GSE1: variants seen among roughly 807,000 people sequenced by gnomAD.
The protein encoded by GSE1 is genetic suppressor element 1.
In GSE1, 32 loss-of-function variants were observed where a neutral mutation model predicts 112.6. That is an observed-to-expected ratio of 0.28 (90% CI 0.21 to 0.38). The LOEUF is 0.38. Among genes scored for constraint, GSE1 ranks in the 10% least tolerant of loss-of-function variants. The pLI is 1.00. For missense variants in GSE1, 2,348 were observed against 1,699.2 expected (o/e 1.38, Z -6.71); for synonymous variants, 1,115 against 735.6 (o/e 1.52, Z -8.35).
chr16:85,632,267 G>A (rs1193740378), intron 1 of GSE1, among the ~76,000 whole-genome samples: 1 of 152,170 alleles, frequency 6.6e-6, no homozygotes, highest in Non-Finnish European at 1.5e-5. Context: ...GGGCTCTCAG[G>A]GGTCCTTTGT....
At chr16:85,287,868 C>T (rs1281162163) in intron 1 of GSE1, among the ~76,000 whole-genome samples, 1 of 152,180 alleles carries the variant, frequency 6.6e-6, no homozygotes, top group Non-Finnish European at 1.5e-5. Context: ...ACAGCGGCAT[C>T]CCTAGGACTC....
At chr16:85,227,881 C>G (rs1417717765) in intron 1 of GSE1, among the ~76,000 whole-genome samples, 1 of 152,216 alleles carries the variant, frequency 6.6e-6, no homozygotes, top group Non-Finnish European at 1.5e-5. Context: ...AGGGAGGGCC[C>G]TACCTTCACG....
At chr16:85,495,467 T>G (rs952420367) in intron 2 of GSE1, among the ~76,000 whole-genome samples, 2 of 145,822 alleles carry the variant, frequency 1.4e-5, no homozygotes, top group Non-Finnish European at 3.0e-5. Context: ...ATTTATTTAT[T>G]TATTTATTTG....
Position 85,373,533 on chromosome 16 carries a change from T to A in GSE1, c.2464+15890T>A, listed in dbSNP as rs1395362646. 8.6e-5 allele frequency among the ~76,000 whole-genome samples: 13 copies of A among 151,842 alleles called. No homozygotes were observed. The highest frequency in any genetic ancestry group is 8.5e-4 in the Admixed American group (13 of 15,274). ...TGTGGCAGCTGCCTCCCGGGGCCCC[T>A]GGGAGAATGGGCTGGGGCACTGTGT... On this transcript the variant is annotated intron_variant, in intron 2 of 2. Coordinates refer to the GSE1 transcript ENST00000637419. This position sits in a 1 kb window ranked among gnomAD's most constrained non-coding sequence, Gnocchi z 5.1.
rs1447410721 is a variant in GSE1 at position 85,400,259 on chromosome 16, G to C, written c.2464+42616G>C. Among the ~76,000 whole-genome samples the C allele has an allele frequency of 7.0e-3, 1,053 of 149,698 alleles. 6 individuals carry two copies. Among genetic ancestry groups the C allele is most frequent in the Non-Finnish European group, 9.4e-3 (633 of 67,460 alleles). On this transcript the variant is annotated intron_variant, in intron 2 of 2. Coordinates refer to the GSE1 transcript ENST00000637419. ...ACAGGAAGTGTAGGGTTGTGTGTGT[G>C]TGTGTGTGTGTGTGTGTGTGTGTAA...
intron 1 of GSE1, among the ~76,000 whole-genome samples, chr16:85,335,155 C>T (rs967699337): frequency 2.0e-5 from 3 of 152,246 alleles, no homozygotes; most frequent in African/African-American, 7.2e-5. Flanking sequence ...GATTTATTCA[C>T]AGCCCAGCCA....
intron 1 of GSE1, among the ~76,000 whole-genome samples, chr16:85,225,362 G>A (rs146096023): frequency 0.02 from 2,989 of 152,314 alleles, 49 homozygotes; most frequent in Non-Finnish European, 0.026. Context: ...AGAGCAGTCA[G>A]TGCAGAGGGC....
At chr16:85,600,328 G>A (rs1383770835) in intron 1 of GSE1, among the ~76,000 whole-genome samples, 1 of 152,192 alleles carries the variant, frequency 6.6e-6, no homozygotes, top group Non-Finnish European at 1.5e-5. Context: ...CAGGCAGGAG[G>A]GGGCTGGGCC....
intron 1 of GSE1, among the ~76,000 whole-genome samples, chr16:85,345,983 TG>T (rs2046725779): frequency 6.6e-6 from 1 of 151,262 alleles, no homozygotes; most frequent in South Asian, 2.1e-4. Context: ...GACAGATGGA[TG>T]GGTGGATGGA....
Position 85,360,551 on chromosome 16 carries a change from C to T in GSE1, c.2464+2908C>T, listed in dbSNP as rs1353701560. ...CGTGACAGTGACTAATGGTTTATTA[C>T]ACACCTGCCACCTCTCATCCGGCAG... On this transcript the variant is annotated intron_variant, in intron 2 of 2. Transcript: ENST00000637419. Among the ~76,000 whole-genome samples, 8 of 152,302 alleles carry T rather than the reference C, an allele frequency of 5.3e-5. No homozygotes were observed. The South Asian group carries it at 1.2e-3, about 24-fold the overall frequency.
At chr16:85,489,497 C>T (rs1312760346) in intron 2 of GSE1, among the ~76,000 whole-genome samples, 1 of 152,164 alleles carries the variant, frequency 6.6e-6, no homozygotes, top group Non-Finnish European at 1.5e-5. Flanking sequence ...TTCCAAGGAG[C>T]AGGGACTGTG....
chr16:85,346,921 C>T (rs931136547), intron 1 of GSE1, among the ~76,000 whole-genome samples: 3 of 150,568 alleles, frequency 2.0e-5, no homozygotes, highest in African/African-American at 7.4e-5. Flanking sequence ...GGATGGTGAA[C>T]AGGTGGGTGG....
Position 85,668,210 on chromosome 16 carries a change from G to C in GSE1, c.3201G>C (p.Glu1067Asp), listed in dbSNP as rs1025092812. 6.2e-7 allele frequency: 1 copy of C among 1,611,116 alleles called. No individual in the cohort carries two copies. Residue 1067 changes from glutamate (E) to aspartate (D), a missense_variant, in exon 14 of 16, where the codon GAG (glutamate) becomes GAC (aspartate). Glu to Asp is a conservative substitution (Grantham distance 45). Coordinates refer to ENST00000253458, the MANE Select transcript of GSE1 (RefSeq NM_014615.5). ...VDTSVHYNIP[E>D]LQSSSRAPPP... Reference sequence around the variant, plus strand: ...CGTCCGTCCACTACAACATTCCTGAGCTGCAGTCCTCCAGCCGCGCCCCTC... The same window carrying C: ...CGTCCGTCCACTACAACATTCCTGACCTGCAGTCCTCCAGCCGCGCCCCTC...
upstream of GSE1, chr16:85,555,898 T>A (rs184458009): frequency 2.5e-6 from 2 of 800,934 alleles, no homozygotes; most frequent in African/African-American, 2.1e-5. Flanking sequence ...ACCTCCCCCC[T>A]TTATTTTTCT....
At position 85,664,790 on chromosome 16, in the gene GSE1, T is replaced by C. The variant is rs181341956; in HGVS notation, c.2645-225T>C. ...GGCGTCGTCACCGCACGGACAGCTG[T>C]CTTTGGAGCACGTCTAGGACATTGT... On this transcript the variant is annotated intron_variant, in intron 11 of 15. Transcript: ENST00000253458. 1.8e-4 allele frequency: 92 copies of C among 503,716 alleles called. No homozygotes were observed. In the East Asian group the frequency reaches 2.6e-3, roughly 14 times the overall value. The allele number at this position is 503,716 out of a possible 1,614,324, so 31.2% of individuals were successfully genotyped here. A position where few individuals can be genotyped will look rare whatever the true frequency, so the allele number is the denominator to read the frequency against.
intron 1 of GSE1, among the ~76,000 whole-genome samples, chr16:85,327,060 C>G (rs889223698): frequency 6.6e-6 from 1 of 152,214 alleles, no homozygotes; most frequent in Non-Finnish European, 1.5e-5. Context: ...AGTGCGTGCA[C>G]CTACCACAGG....
chr16:85,181,463 C>T (rs79766264), intron 1 of GSE1, among the ~76,000 whole-genome samples: 2 of 152,220 alleles, frequency 1.3e-5, no homozygotes, highest in African/African-American at 4.8e-5. Context: ...GGAGGCGATG[C>T]AGCCCTGGTG....
chr16:85,226,571 C>T (rs373060616), intron 1 of GSE1, among the ~76,000 whole-genome samples: 2 of 152,102 alleles, frequency 1.3e-5, no homozygotes, highest in Admixed American at 6.5e-5. Flanking sequence ...GGGCATCTTA[C>T]GTCCTTGGGC....
At chr16:85,609,868 G>C (rs2047888820), upstream of GSE1, among the ~76,000 whole-genome samples, 1 of 152,114 alleles carries the variant, frequency 6.6e-6, no homozygotes, top group Non-Finnish European at 1.5e-5. Context: ...TGTTGTCCAG[G>C]CCGGTCTCGA....
Sources: allele counts gnomAD v4.1 joint callset (sites outside exome capture counted in the v4.1 genomes callset), GRCh38; gene constraint gnomAD v4.1.1; non-coding constraint Gnocchi (gnomAD v3.1); transcripts MANE v1.5; gene names NCBI Gene and HGNC (gene_info 2026-07-23, HGNC 2026-07-21).